Variants in ROCK2 observed in about 807,000 individuals in gnomAD.
ROCK2 encodes the protein rho-associated protein kinase 2.
In ROCK2, 61 loss-of-function variants were observed where a neutral mutation model predicts 195.1. The observed-to-expected ratio is 0.31, with a 90% CI of 0.25 to 0.39. The LOEUF is 0.39. Ranked by LOEUF, ROCK2 falls within the 10% of genes least tolerant of loss-of-function variation. The pLI, the probability that ROCK2 is intolerant of heterozygous loss-of-function variation, is 1.00. For synonymous variants in ROCK2, 504 were observed against 545.5 expected (o/e 0.92, Z 1.06); for missense variants, 1,109 against 1,637.4 (o/e 0.68, Z 5.57).
chr2:11,247,919 G>A (rs1665675881), intron 4 of ROCK2, among the ~76,000 whole-genome samples: 1 of 152,144 alleles, frequency 6.6e-6, no homozygotes, highest in Admixed American at 6.5e-5. Context: ...CTACTCGGGA[G>A]GCTGAGGCAG....
At chr2:11,251,604 G>T (rs1665832664) in intron 3 of ROCK2, among the ~76,000 whole-genome samples, 1 of 152,188 alleles carries the variant, frequency 6.6e-6, no homozygotes, top group Admixed American at 6.5e-5. Context: ...ACAAGCATGG[G>T]CAAAGACTTC....
chr2:11,255,928 CAAAAAAAAAAAAA>C lies in ROCK2; in HGVS notation c.325-6143_325-6131del, dbSNP rs57678031. Among the ~76,000 whole-genome samples the C allele has an allele frequency of 3.9e-4, 13 of 33,070 alleles. No homozygotes were observed. The South Asian group carries it at 7.6e-3, about 19-fold the overall frequency. 21.7% of individuals were successfully genotyped at this position (33,070 alleles called of 152,430 possible). A position where few individuals can be genotyped will look rare whatever the true frequency, so the allele number is the denominator to read the frequency against. On this transcript the variant is annotated intron_variant, in intron 3 of 32. Coordinates refer to ENST00000315872, the MANE Select transcript of ROCK2 (RefSeq NM_004850.5). ...TGGATGAGAGAGTATGACTCCATCT[CAAAAAAAAAAAAA>C]AAAAAAAAAAAAAGGAAACTATATG...
At chr2:11,210,540 T>C (rs1435510403) in intron 18 of ROCK2, among the ~76,000 whole-genome samples, 3 of 152,106 alleles carry the variant, frequency 2.0e-5, no homozygotes, top group Non-Finnish European at 4.4e-5. Context: ...AGGGTCTTGC[T>C]ATGTTGCCCA....
At chr2:11,313,560 G>C (rs562232890) in intron 1 of ROCK2, among the ~76,000 whole-genome samples, 11 of 151,912 alleles carry the variant, frequency 7.2e-5, no homozygotes, top group Non-Finnish European at 1.6e-4. Context: ...TGGTGAATTT[G>C]TATAACCTCT....
At chr2:11,257,858 T>A (rs1206741979) in intron 3 of ROCK2, among the ~76,000 whole-genome samples, 1 of 151,456 alleles carries the variant, frequency 6.6e-6, no homozygotes, top group Non-Finnish European at 1.5e-5. Flanking sequence ...TAATACTGAA[T>A]AATGGAGTGA....
intron 1 of ROCK2, among the ~76,000 whole-genome samples, chr2:11,317,612 A>ATATTTTTT (rs59701503): frequency 1.0e-4 from 2 of 19,310 alleles, no homozygotes; most frequent in African/African-American, 1.6e-4. Flanking sequence ...ATATATATAT[A>ATATTTTTT]TTTTTTTTTT....
At chr2:11,186,193 CAT>C (rs1572214190) in intron 32 of ROCK2, among the ~76,000 whole-genome samples, 1 of 152,176 alleles carries the variant, frequency 6.6e-6, no homozygotes, top group African/African-American at 2.4e-5. Context: ...TCACTGAACA[CAT>C]ATCGCAACCT....
intron 16 of ROCK2, among the ~76,000 whole-genome samples, 155 bp downstream of exon 16, chr2:11,214,684 TG>T (rs1203068822): frequency 2.0e-5 from 3 of 152,226 alleles, no homozygotes; most frequent in Non-Finnish European, 4.4e-5. Context: ...TTAAATCTTT[TG>T]TTCCTAAAAT....
At chr2:11,274,752 A>G (rs1367438355) in intron 3 of ROCK2, among the ~76,000 whole-genome samples, 2 of 152,194 alleles carry the variant, frequency 1.3e-5, no homozygotes, top group Non-Finnish European at 2.9e-5. Flanking sequence ...CTCCTAACTC[A>G]TTCTATGAGG....
At position 11,344,331 on chromosome 2, in the gene ROCK2, GGCCCA is replaced by G. The variant is rs149189005; in HGVS notation, c.-200_-196del. 1.4e-4 allele frequency: 142 copies of G among 1,014,548 alleles called. No homozygotes were observed. Among genetic ancestry groups the G allele is most frequent in the East Asian group, 3.1e-4 (8 of 26,056 alleles). 62.8% of individuals were successfully genotyped at this position (1,014,548 alleles called of 1,614,324 possible). A position where few individuals can be genotyped will look rare whatever the true frequency, so the allele number is the denominator to read the frequency against. On this transcript the variant is annotated 5_prime_UTR_variant, in exon 1 of 33. Coordinates refer to ENST00000315872, the MANE Select transcript of ROCK2 (RefSeq NM_004850.5). This position sits in a 1 kb window ranked among gnomAD's most constrained non-coding sequence, Gnocchi z 5.4. ...CCCAGGGGCCCGCCCGGCCCAGCCC[GGCCCA>G]GCCCGGCCCGGCCCTGCCGGGAGCG...
chr2:11,330,752 G>GGAGGATGGAGT (rs1668699270), intron 1 of ROCK2, among the ~76,000 whole-genome samples: 1 of 68,384 alleles, frequency 1.5e-5, no homozygotes. Flanking sequence ...GAGGAGGGAG[G>GGAGGATGGAGT]AGGAGGAGGG....
At chr2:11,188,878 C>T (rs1325046597) in intron 32 of ROCK2, among the ~76,000 whole-genome samples, 3 of 152,060 alleles carry the variant, frequency 2.0e-5, no homozygotes, top group African/African-American at 7.2e-5. Context: ...CCTGCCTCGG[C>T]CTCCCAAAGT....
chr2:11,200,930 C>A (rs751904362), intron 23 of ROCK2, 27 bp downstream of exon 23: 3 of 1,562,332 alleles, frequency 1.9e-6, no homozygotes, highest in South Asian at 1.3e-5. Context: ...AACTATAATC[C>A]AAAAAAGCAC....
chr2:11,344,718 G>A (rs180710254), upstream of ROCK2: 6,067 of 147,744 alleles, frequency 0.041, 252 homozygotes, highest in Non-Finnish European at 0.06. This position sits in a 1 kb window ranked among gnomAD's most constrained non-coding sequence, Gnocchi z 5.4. Context: ...CGCGCGCTCC[G>A]CCCCGCCCCG....
Position 11,344,201 on chromosome 2 carries a change from A to AC in ROCK2, c.-66dup, listed in dbSNP as rs1285415246. 1 of 1,349,892 alleles carries AC rather than the reference A, an allele frequency of 7.4e-7. No individual in the cohort carries two copies. Among genetic ancestry groups the AC allele is most frequent in the Non-Finnish European group, 9.5e-7 (1 of 1,055,148 alleles). 83.6% of individuals were successfully genotyped at this position (1,349,892 alleles called of 1,614,324 possible). A position where few individuals can be genotyped will look rare whatever the true frequency, so the allele number is the denominator to read the frequency against. ...AGGTCCCGCAGCCTCGGGGCCTAGCACCGCCCCCGAACCACCAGCTCCGGC... is the reference window on the plus strand; with the variant it reads ...AGGTCCCGCAGCCTCGGGGCCTAGCACCCGCCCCCGAACCACCAGCTCCGGC... On this transcript the variant is annotated 5_prime_UTR_variant, in exon 1 of 33. Transcript: ENST00000315872. The surrounding 1 kb of genome is among the most constrained non-coding windows in gnomAD (Gnocchi z 5.4).
intron 23 of ROCK2, 116 bp downstream of exon 23, chr2:11,200,841 T>A: frequency 1.2e-6 from 1 of 863,840 alleles, no homozygotes; most frequent in Non-Finnish European, 1.7e-6. Context: ...ATTAAAAATC[T>A]TGTAGTCAGC....
At chr2:11,217,203 T>C (rs771565355) in intron 11 of ROCK2, 34 bp from the exon 12 acceptor site, 1 of 1,076,006 alleles carries the variant, frequency 9.3e-7, no homozygotes, top group Non-Finnish European at 1.4e-6. Flanking sequence ...ATTACGTATT[T>C]TGGTCATATT....
intron 23 of ROCK2, among the ~76,000 whole-genome samples, chr2:11,200,438 T>G (rs962026764): frequency 6.6e-6 from 1 of 152,224 alleles, no homozygotes; most frequent in Non-Finnish European, 1.5e-5. Flanking sequence ...TCCCAGTGAT[T>G]TGTGTACTGC....
chr2:11,282,323 C>T (rs1667033382), intron 3 of ROCK2, among the ~76,000 whole-genome samples: 2 of 151,996 alleles, frequency 1.3e-5, no homozygotes, highest in Non-Finnish European at 2.9e-5. Flanking sequence ...TGCACTCCAG[C>T]CTGCGCAACA....
Sources: gnomAD v4.1 joint callset for allele counts (sites outside exome capture counted in the v4.1 genomes callset) on GRCh38, gnomAD v4.1.1 for gene constraint, Gnocchi (gnomAD v3.1) non-coding constraint, MANE v1.5 for transcripts, NCBI Gene and HGNC (gene_info 2026-07-23, HGNC 2026-07-21) for gene names.